The following NFATC2 variants were observed in gnomAD, a reference collection of about 807,000 sequenced individuals.
NFATC2 encodes nuclear factor of activated T cells 2, also known as nuclear factor of activated T-cells, cytoplasmic 2.
Under a neutral mutation model 87.3 loss-of-function variants are expected in NFATC2, and 22 were observed. That is an observed-to-expected ratio of 0.25 (90% confidence interval 0.18 to 0.36). The LOEUF (loss-of-function observed/expected upper bound fraction) is 0.36. NFATC2 is among the 10% of genes least tolerant of loss of function. NFATC2 has a pLI of 1.00. For missense variants in NFATC2, 1,149 were observed against 1,259.1 expected (o/e 0.91, Z 1.32); for synonymous variants, 565 against 542.2 (o/e 1.04, Z -0.58).
intron 3 of NFATC2, among the ~76,000 whole-genome samples, chr20:51,491,408 C>T (rs922549082): frequency 2.6e-5 from 4 of 152,148 alleles, no homozygotes; most frequent in East Asian, 1.9e-4. Context: ...GGTTTGCATG[C>T]GCTGTGCCTG....
Position 51,474,971 on chromosome 20 carries a change from A to ATT in NFATC2, c.1535+485_1535+486dup, listed in dbSNP as rs370019272. ...AATACTGACATATTATACTTTATTTATTTTTTTTTTTTTTTGAGACAGAGT... is the reference window on the plus strand; with the variant it reads ...AATACTGACATATTATACTTTATTTATTTTTTTTTTTTTTTTTGAGACAGAGT... On this transcript the variant is annotated intron_variant, in intron 4 of 10. Coordinates refer to ENST00000371564, the MANE Select transcript of NFATC2 (RefSeq NM_012340.5). Among the ~76,000 whole-genome samples, 361 of 141,294 alleles carry ATT rather than the reference A, an allele frequency of 2.6e-3. 4 individuals carry two copies. The highest frequency in any genetic ancestry group is 0.011 in the South Asian group (48 of 4,400). The allele number at this position is 141,294 out of a possible 152,430, so 92.7% of individuals were successfully genotyped here. A position where few individuals can be genotyped will look rare whatever the true frequency, so the allele number is the denominator to read the frequency against.
chr20:51,416,010 C>T (rs536610869), intron 9 of NFATC2, among the ~76,000 whole-genome samples: 1 of 151,974 alleles, frequency 6.6e-6, no homozygotes, highest in East Asian at 1.9e-4. Flanking sequence ...GCCTGTAATC[C>T]CAGCACTTTG....
chr20:51,422,959 C>T (rs572255414), intron 9 of NFATC2, among the ~76,000 whole-genome samples: 8 of 151,460 alleles, frequency 5.3e-5, no homozygotes, highest in African/African-American at 1.7e-4. Flanking sequence ...CTACAGCTAG[C>T]GCTGATATTA....
rs1989143608 is a variant in NFATC2, at chr20:51,480,317, C to A, written c.1333-4657G>T. ...AAAATAGAATGTGCTTCCTGCCGCA[C>A]AGGAGAGAGAGTGGGGCAGGAAGGA... is the stretch of plus-strand genomic sequence containing the variant. On this transcript the variant is annotated intron_variant, in intron 3 of 10. Coordinates refer to ENST00000371564, the MANE Select transcript of NFATC2 (RefSeq NM_012340.5). The surrounding 1 kb of genome is among the most constrained non-coding windows in gnomAD (Gnocchi z 4.2). Among the ~76,000 whole-genome samples the A allele has an allele frequency of 6.6e-6, 1 of 152,072 alleles. No individual in the cohort carries two copies. Among genetic ancestry groups the A allele is most frequent in the African/African-American group, 2.4e-5 (1 of 41,402 alleles).
At chr20:51,546,841 G>C (rs1468854325), upstream of NFATC2, among the ~76,000 whole-genome samples, 1 of 152,194 alleles carries the variant, frequency 6.6e-6, no homozygotes, top group Non-Finnish European at 1.5e-5. Flanking sequence ...AGCTGGGACT[G>C]GAAGGTTGGT....
intron 3 of NFATC2, among the ~76,000 whole-genome samples, chr20:51,487,704 A>G (rs1483009726): frequency 6.6e-6 from 1 of 152,170 alleles, no homozygotes. Context: ...GGCATAAAAA[A>G]GGTGAGTTAT....
intron 1 of NFATC2, among the ~76,000 whole-genome samples, chr20:51,551,015 C>T (rs2076928584): frequency 6.6e-6 from 1 of 152,226 alleles, no homozygotes; most frequent in Admixed American, 6.5e-5. Context: ...GGCATTGAAA[C>T]GTTTTAAGTT....
chr20:51,403,426 T>C (rs746696303), intron 9 of NFATC2, among the ~76,000 whole-genome samples: 1 of 152,178 alleles, frequency 6.6e-6, no homozygotes, highest in Non-Finnish European at 1.5e-5. Flanking sequence ...TAAAAGACAG[T>C]AGTTCCCAGA....
At chr20:51,406,273 G>A (rs141696909) in intron 9 of NFATC2, among the ~76,000 whole-genome samples, 8 of 152,302 alleles carry the variant, frequency 5.3e-5, no homozygotes, top group Non-Finnish European at 7.4e-5. Context: ...ACAAGAATAC[G>A]CTTCTCTGAA....
At position 51,542,692 on chromosome 20, in the gene NFATC2, G is replaced by GCGGCGA. The variant is rs1216958607; in HGVS notation, c.-199_-194dup. ...ACGCGCCCGGGGAAGCTGAGCGGCG[G>GCGGCGA]CGGCGACGGCGGCGCGAGCTTCCTG... On this transcript the variant is annotated 5_prime_UTR_variant, in exon 1 of 11. Transcript: ENST00000371564. 9.8e-6 allele frequency: 11 copies of GCGGCGA among 1,119,482 alleles called. No homozygotes were observed. Among genetic ancestry groups the GCGGCGA allele is most frequent in the East Asian group, 4.7e-5 (1 of 21,222 alleles). 69.3% of individuals were successfully genotyped at this position (1,119,482 alleles called of 1,614,324 possible). A position where few individuals can be genotyped will look rare whatever the true frequency, so the allele number is the denominator to read the frequency against.
chr20:51,399,803 TTCCAAG>T (rs1227305716), intron 9 of NFATC2, among the ~76,000 whole-genome samples: 1 of 152,198 alleles, frequency 6.6e-6, no homozygotes, highest in African/African-American at 2.4e-5. Context: ...AACTGACTTC[TTCCAAG>T]TCCAAGAGCA....
intron 6 of NFATC2, among the ~76,000 whole-genome samples, chr20:51,439,273 T>G (rs374601734): frequency 5.9e-5 from 9 of 152,274 alleles, no homozygotes; most frequent in African/African-American, 2.2e-4. Flanking sequence ...GCTTGTCTCA[T>G]CTGTACAGCA....
intron 3 of NFATC2, among the ~76,000 whole-genome samples, chr20:51,479,268 C>T (rs1989023758): frequency 6.6e-6 from 1 of 152,206 alleles, no homozygotes; most frequent in Admixed American, 6.5e-5. Context: ...CAGTAGGGAC[C>T]TTGCTATTTT....
In NFATC2 at chr20:51,480,607, T is replaced by A. The variant is rs1989172026; in HGVS notation, c.1333-4947A>T. 6.6e-6 allele frequency among the ~76,000 whole-genome samples: 1 copy of A among 152,112 alleles called. No individual in the cohort carries two copies. The highest frequency in any genetic ancestry group is 1.5e-5 in the Non-Finnish European group (1 of 68,026). On this transcript the variant is annotated intron_variant, in intron 3 of 10. Coordinates refer to ENST00000371564, the MANE Select transcript of NFATC2 (RefSeq NM_012340.5). This position sits in a 1 kb window ranked among gnomAD's most constrained non-coding sequence, Gnocchi z 4.2. ...TGTGGTATAGCTGAAAGCACAAAGT[T>A]TTTCACTTTGGGTCAGACATATCTG...
chr20:51,425,686 A>G (rs1355202146), intron 9 of NFATC2, among the ~76,000 whole-genome samples: 1 of 152,252 alleles, frequency 6.6e-6, no homozygotes, highest in African/African-American at 2.4e-5. Flanking sequence ...GAACTGCTGA[A>G]CAAAGCAGGC....
At chr20:51,430,623 C>T (rs374517986) in intron 9 of NFATC2, among the ~76,000 whole-genome samples, 2 of 152,070 alleles carry the variant, frequency 1.3e-5, no homozygotes, top group Admixed American at 6.6e-5. Flanking sequence ...ATTCAGGGGA[C>T]GTTTTTGATC....
At chr20:51,412,992 C>CACT in intron 9 of NFATC2, among the ~76,000 whole-genome samples, 1 of 28,236 alleles carries the variant, frequency 3.5e-5, no homozygotes, top group African/African-American at 1.7e-4. Flanking sequence ...CCCCCGCTCC[C>CACT]GCCGCCCCCC....
chr20:51,476,986 G>T (rs1430433028), intron 3 of NFATC2, among the ~76,000 whole-genome samples: 1 of 152,134 alleles, frequency 6.6e-6, no homozygotes, highest in African/African-American at 2.4e-5. Context: ...CAGAGCAACA[G>T]CTTTAGTAAA....
chr20:51,432,070 C>T lies in NFATC2; in HGVS notation c.2719G>A (p.Asp907Asn). ...EQNLDQTYLD[D>N]ELIDTHLSWI... ...TGACAAAACTCAAGCGTCTTACCAT[C>T]ATCCAAGTAGGTCTGGTCCAAGTTC... is the stretch of plus-strand genomic sequence containing the variant. Residue 907 changes from aspartate to asparagine, a missense_variant, in exon 9 of 11, where the codon GAT becomes AAT. Coordinates refer to ENST00000371564, the MANE Select transcript of NFATC2 (RefSeq NM_012340.5). The surrounding 1 kb of genome is among the most constrained non-coding windows in gnomAD (Gnocchi z 4.6). 6.6e-7 allele frequency: 1 copy of T among 1,520,208 alleles called. No individual in the cohort carries two copies. Among genetic ancestry groups the T allele is most frequent in the Non-Finnish European group, 8.8e-7 (1 of 1,132,356 alleles). 94.2% of individuals were successfully genotyped at this position (1,520,208 alleles called of 1,614,324 possible).
Sources: allele counts gnomAD v4.1 joint callset (sites outside exome capture counted in the v4.1 genomes callset), GRCh38; gene constraint gnomAD v4.1.1; non-coding constraint Gnocchi (gnomAD v3.1); transcripts MANE v1.5; gene names NCBI Gene and HGNC (gene_info 2026-07-23, HGNC 2026-07-21).